The following SH3RF2 variants were observed in gnomAD, a reference collection of about 807,000 sequenced individuals.
SH3RF2 encodes E3 ubiquitin-protein ligase SH3RF2.
A neutral mutation model predicts 59.0 loss-of-function variants in SH3RF2; 43 were observed. The ratio of observed to expected loss-of-function variants is 0.73; its 90% confidence interval spans 0.57 to 0.94. The LOEUF (loss-of-function observed/expected upper bound fraction) is 0.94. Ranked by LOEUF, SH3RF2 falls within the 40% of genes least tolerant of loss-of-function variation. The pLI is 0.00. For missense variants in SH3RF2, 930 were observed against 940.1 expected, an observed-to-expected ratio of 0.99 and a Z score of 0.14; for synonymous variants, 391 against 391.5, an observed-to-expected ratio of 1.00 and a Z score of 0.01.
At chr5:146,073,535 C>T (rs1371046508) in intron 9 of SH3RF2, among the ~76,000 whole-genome samples, 1 of 152,208 alleles carries the variant, frequency 6.6e-6, no homozygotes, top group Non-Finnish European at 1.5e-5. Context: ...TGATTAAACC[C>T]CCGCTGGGCG....
At chr5:146,081,497 T>A (rs771109497) in exon 10 of SH3RF2, 3 of 152,316 alleles carry the variant, frequency 2.0e-5, no homozygotes, top group Non-Finnish European at 4.4e-5. Context: ...AAGTGCTAAA[T>A]TTGCTCTTTA....
intron 2 of SH3RF2, among the ~76,000 whole-genome samples, chr5:145,977,587 A>G (rs1759343078): frequency 6.6e-6 from 1 of 152,174 alleles, no homozygotes; most frequent in African/African-American, 2.4e-5. Flanking sequence ...TGCCCTTTCC[A>G]AATGTACACA....
intron 2 of SH3RF2, among the ~76,000 whole-genome samples, chr5:145,987,018 C>T (rs1488177704): frequency 1.3e-5 from 2 of 152,090 alleles, no homozygotes; most frequent in African/African-American, 4.8e-5. Context: ...ATGTCATGCC[C>T]ACAGACTCAA....
chr5:146,044,912 G>C (rs11167928), intron 5 of SH3RF2, among the ~76,000 whole-genome samples: 1 of 152,034 alleles, frequency 6.6e-6, no homozygotes, highest in South Asian at 2.1e-4. Flanking sequence ...TGTTCCAAGT[G>C]GGGGAAACAT....
chr5:146,020,298 G>C (rs952982803), intron 5 of SH3RF2, among the ~76,000 whole-genome samples: 1 of 152,074 alleles, frequency 6.6e-6, no homozygotes, highest in Non-Finnish European at 1.5e-5. Flanking sequence ...ACACACACAC[G>C]TGCATACACA....
intron 2 of SH3RF2, among the ~76,000 whole-genome samples, chr5:145,949,058 G>A (rs569444171): frequency 3.5e-4 from 54 of 152,330 alleles, no homozygotes; most frequent in Admixed American, 3.1e-3. Flanking sequence ...GAGGCTAAAC[G>A]AAAGGAGACA....
At chr5:146,057,980 C>CTATATATATATATATATATATATATA (rs1196213101) in intron 8 of SH3RF2, among the ~76,000 whole-genome samples, 3 of 129,334 alleles carry the variant, frequency 2.3e-5, no homozygotes, top group African/African-American at 8.4e-5. Flanking sequence ...ATCTATCTAT[C>CTATATATATATATATATATATATATA]TATCTATATA....
intron 2 of SH3RF2, among the ~76,000 whole-genome samples, chr5:145,992,538 A>G (rs1371819405): frequency 1.3e-5 from 2 of 152,256 alleles, no homozygotes; most frequent in Non-Finnish European, 2.9e-5. Flanking sequence ...AATTTACAAA[A>G]GAAAAAGGTT....
At chr5:146,020,166 A>G (rs531744069) in intron 5 of SH3RF2, among the ~76,000 whole-genome samples, 7 of 152,320 alleles carry the variant, frequency 4.6e-5, no homozygotes, top group African/African-American at 1.7e-4. Context: ...TCTCAAGGGT[A>G]GAAACAGGGT....
At chr5:146,026,382 T>C (rs569629955) in intron 5 of SH3RF2, among the ~76,000 whole-genome samples, 1 of 152,330 alleles carries the variant, frequency 6.6e-6, no homozygotes, top group East Asian at 1.9e-4. Context: ...CTCCCACAGT[T>C]AACTGTATAG....
intron 2 of SH3RF2, among the ~76,000 whole-genome samples, chr5:145,990,694 A>G (rs1759900330): frequency 6.6e-6 from 1 of 152,248 alleles, no homozygotes; most frequent in South Asian, 2.1e-4. Flanking sequence ...ACAAATGAAT[A>G]GGTGAATTAC....
At chr5:145,961,334 C>A (rs1394531412) in intron 2 of SH3RF2, among the ~76,000 whole-genome samples, 5 of 151,882 alleles carry the variant, frequency 3.3e-5, no homozygotes, top group African/African-American at 4.8e-5. Flanking sequence ...TCTTCCTTCT[C>A]GGGAAGGTAC....
At chr5:146,013,461 C>T (rs887049252) in intron 4 of SH3RF2, among the ~76,000 whole-genome samples, 4 of 152,208 alleles carry the variant, frequency 2.6e-5, no homozygotes, top group African/African-American at 4.8e-5. Flanking sequence ...GAAGAATACT[C>T]TCAGCCAGGG....
At chr5:146,033,605 G>A (rs1263770625) in intron 5 of SH3RF2, among the ~76,000 whole-genome samples, 1 of 151,382 alleles carries the variant, frequency 6.6e-6, no homozygotes, top group Non-Finnish European at 1.5e-5. Flanking sequence ...CAAGAAGCTG[G>A]GATTACAGGC....
chr5:146,041,755 C>T (rs2150010611), intron 5 of SH3RF2, among the ~76,000 whole-genome samples: 1 of 152,146 alleles, frequency 6.6e-6, no homozygotes, highest in Non-Finnish European at 1.5e-5. Context: ...CGTGGTGGAA[C>T]CCCATTTCTA....
chr5:145,996,736 G>C (rs1760168785), intron 2 of SH3RF2, among the ~76,000 whole-genome samples: 1 of 152,156 alleles, frequency 6.6e-6, no homozygotes, highest in African/African-American at 2.4e-5. Flanking sequence ...TAGACGTAGA[G>C]TCAAGTTCAC....
chr5:146,060,180 T>C lies in SH3RF2; in HGVS notation c.1870T>C (p.Ser624Pro), dbSNP rs1192566815. ...LPKPPASAPP[S>P]ILVKPENSRN... ...AAAACCGCCCGCATCTGCCCCACCATCCATCCTGGTGAAACCAGAAAACTC... is the reference window on the plus strand; with the variant it reads ...AAAACCGCCCGCATCTGCCCCACCACCCATCCTGGTGAAACCAGAAAACTC... Residue 624 changes from serine to proline, a missense_variant, in exon 9 of 10, where the codon TCC (serine) becomes CCC (proline). By Grantham distance (74) the Ser-to-Pro change is moderately conservative. Coordinates refer to ENST00000359120, the MANE Select transcript of SH3RF2 (RefSeq NM_152550.4). 6.2e-7 allele frequency: 1 copy of C among 1,613,248 alleles called. No individual in the cohort carries two copies. The highest frequency in any genetic ancestry group is 1.3e-5 in the African/African-American group (1 of 74,906).
At chr5:146,010,049 C>T (rs919417220) in intron 4 of SH3RF2, among the ~76,000 whole-genome samples, 4 of 151,890 alleles carry the variant, frequency 2.6e-5, no homozygotes, top group Admixed American at 2.6e-4. Flanking sequence ...CCACGACAGG[C>T]CCCAGTGTGT....
intron 2 of SH3RF2, among the ~76,000 whole-genome samples, chr5:145,973,839 A>G (rs1759181666): frequency 6.6e-6 from 1 of 152,262 alleles, no homozygotes; most frequent in Non-Finnish European, 1.5e-5. Context: ...AGGAAGAATT[A>G]TGAAAGTTGT....
Sources: allele counts gnomAD v4.1 joint callset (sites outside exome capture counted in the v4.1 genomes callset), GRCh38; gene constraint gnomAD v4.1.1; transcripts MANE v1.5; gene names NCBI Gene and HGNC (gene_info 2026-07-23, HGNC 2026-07-21).